PTPRM: variants seen among roughly 807,000 people sequenced by gnomAD.
PTPRM encodes receptor-type tyrosine-protein phosphatase mu.
In PTPRM, 47 loss-of-function variants were observed where a neutral mutation model predicts 186.7. The observed-to-expected ratio is 0.25, with a 90% confidence interval of 0.20 to 0.32. The LOEUF is 0.32. PTPRM is among the 10% of genes least tolerant of loss of function. The probability of loss-of-function intolerance (pLI) is 1.00; values close to 1 mark genes in which losing one functional copy is unlikely to be tolerated. For missense variants in PTPRM, 1,494 were observed against 1,865.0 expected, an observed-to-expected ratio of 0.80 and a Z score of 3.66; for synonymous variants, 668 against 674.9, an observed-to-expected ratio of 0.99 and a Z score of 0.16.
intron 4 of PTPRM, among the ~76,000 whole-genome samples, chr18:7,908,193 A>G (rs2050090969): frequency 6.6e-6 from 1 of 152,162 alleles, no homozygotes; most frequent in Non-Finnish European, 1.5e-5. Context: ...TCCCACCAGC[A>G]GTGCATGGTA....
At chr18:7,792,967 T>C (rs2043419149) in intron 2 of PTPRM, among the ~76,000 whole-genome samples, 1 of 152,210 alleles carries the variant, frequency 6.6e-6, no homozygotes, top group Non-Finnish European at 1.5e-5. Flanking sequence ...AATAATTTTT[T>C]TAAATTTTAT....
chr18:8,307,379 C>T (rs1320943971), intron 20 of PTPRM, among the ~76,000 whole-genome samples: 1 of 152,200 alleles, frequency 6.6e-6, no homozygotes, highest in African/African-American at 2.4e-5. Flanking sequence ...TTGAGACTTA[C>T]CCCACGCTCA....
At chr18:8,178,278 C>G (rs187818332) in intron 14 of PTPRM, among the ~76,000 whole-genome samples, 1 of 152,266 alleles carries the variant, frequency 6.6e-6, no homozygotes, top group Non-Finnish European at 1.5e-5. Context: ...GACAAAAACT[C>G]AAAAAGAACT....
chr18:7,760,779 A>G lies in PTPRM; in HGVS notation c.74-13370A>G, dbSNP rs552020694. ...AACATTCTAGAAGGTAGATGGTTTT[A>G]TAGATGAATAGATGAGGAAAGCTTG... On this transcript the variant is annotated intron_variant, in intron 1 of 32. Transcript: ENST00000580170. Among the ~76,000 whole-genome samples, 3 of 152,336 alleles carry G rather than the reference A, an allele frequency of 2.0e-5. No homozygotes were observed. The East Asian group carries it at 5.8e-4, about 29-fold the overall frequency.
At chr18:8,360,380 C>G (rs1598431839) in intron 23 of PTPRM, among the ~76,000 whole-genome samples, 1 of 143,404 alleles carries the variant, frequency 7.0e-6, no homozygotes, top group East Asian at 2.0e-4. Flanking sequence ...GGACACACCT[C>G]TGCCGTGAAA....
At chr18:8,165,167 CAAAAA>C (rs59978316) in intron 14 of PTPRM, among the ~76,000 whole-genome samples, 1 of 103,272 alleles carries the variant, frequency 9.7e-6, no homozygotes. Flanking sequence ...GACTCCATCT[CAAAAA>C]AAAAAAAAAA....
At chr18:7,811,140 G>C (rs1316294902) in intron 2 of PTPRM, among the ~76,000 whole-genome samples, 2 of 152,194 alleles carry the variant, frequency 1.3e-5, no homozygotes, top group African/African-American at 4.8e-5. Flanking sequence ...TCATGGAACA[G>C]TTTCTGCAAG....
Position 7,883,183 on chromosome 18 carries a change from T to C in PTPRM, c.197-4923T>C, listed in dbSNP as rs182688661. 1.6e-3 allele frequency among the ~76,000 whole-genome samples: 250 copies of C among 152,330 alleles called. 1 individual carries two copies. Among genetic ancestry groups the C allele is most frequent in the Non-Finnish European group, 2.5e-3 (167 of 68,020 alleles). Reference sequence around the variant, plus strand: ...CTGAACACAAACGGAATTTCTATGCTAATTTGAATTATGATTTTTTAAAAA... The same window carrying C: ...CTGAACACAAACGGAATTTCTATGCCAATTTGAATTATGATTTTTTAAAAA... On this transcript the variant is annotated intron_variant, in intron 2 of 32. Transcript: ENST00000580170.
intron 14 of PTPRM, among the ~76,000 whole-genome samples, chr18:8,194,992 C>T (rs1467374449): frequency 6.6e-6 from 1 of 152,044 alleles, no homozygotes; most frequent in Non-Finnish European, 1.5e-5. Context: ...GAGGGCCCCA[C>T]CATCCCAAGG....
chr18:7,952,766 G>A (rs1393307639), intron 6 of PTPRM, among the ~76,000 whole-genome samples: 2 of 152,150 alleles, frequency 1.3e-5, no homozygotes, highest in Non-Finnish European at 2.9e-5. Flanking sequence ...AGCACTTTGG[G>A]AGGCCGAGGC....
At chr18:7,742,582 T>C (rs2040905086) in intron 1 of PTPRM, among the ~76,000 whole-genome samples, 1 of 152,176 alleles carries the variant, frequency 6.6e-6, no homozygotes, top group South Asian at 2.1e-4. Flanking sequence ...TTCACTCTTG[T>C]AATCCCAGCG....
chr18:7,765,624 C>T (rs1208637218), intron 1 of PTPRM, among the ~76,000 whole-genome samples: 1 of 151,980 alleles, frequency 6.6e-6, no homozygotes, highest in Non-Finnish European at 1.5e-5. Flanking sequence ...AGTTTATAGC[C>T]ATTTATTCTA....
intron 2 of PTPRM, among the ~76,000 whole-genome samples, chr18:7,819,303 T>A (rs956380820): frequency 1.9e-5 from 1 of 52,356 alleles, no homozygotes; most frequent in Non-Finnish European, 5.3e-5. Context: ...ATAAAAACTA[T>A]GAGACCCTAG....
intron 3 of PTPRM, among the ~76,000 whole-genome samples, chr18:7,902,281 T>C (rs903698571): frequency 2.0e-5 from 3 of 152,224 alleles, no homozygotes; most frequent in Non-Finnish European, 2.9e-5. Flanking sequence ...GCAAATAAAA[T>C]TGCAGATAGA....
intron 3 of PTPRM, among the ~76,000 whole-genome samples, chr18:7,900,667 T>G (rs1427160504): frequency 6.6e-6 from 1 of 152,236 alleles, no homozygotes; most frequent in Non-Finnish European, 1.5e-5. Flanking sequence ...GCAAAATAGA[T>G]CTAGGATTAG....
At chr18:8,305,439 T>C (rs909084528) in intron 20 of PTPRM, among the ~76,000 whole-genome samples, 2 of 152,232 alleles carry the variant, frequency 1.3e-5, no homozygotes, top group Non-Finnish European at 2.9e-5. Context: ...TGATTACTTA[T>C]ATTAATTCAC....
intron 7 of PTPRM, among the ~76,000 whole-genome samples, chr18:8,046,157 G>A (rs2087037577): frequency 6.6e-6 from 1 of 152,072 alleles, no homozygotes; most frequent in Non-Finnish European, 1.5e-5. Context: ...CTGTGAAGAG[G>A]TACCTTCTGC....
chr18:8,321,716 A>G (rs1185328168), intron 22 of PTPRM, among the ~76,000 whole-genome samples: 3 of 152,242 alleles, frequency 2.0e-5, no homozygotes, highest in Admixed American at 6.5e-5. Flanking sequence ...TCAAACTGGC[A>G]GTACTAACAT....
intron 2 of PTPRM, among the ~76,000 whole-genome samples, chr18:7,784,372 G>A (rs1362092414): frequency 6.6e-6 from 1 of 152,018 alleles, no homozygotes; most frequent in Non-Finnish European, 1.5e-5. Flanking sequence ...CAAGTATGTC[G>A]CTCTCTGCCA....
Sources: gnomAD v4.1 joint callset for allele counts (sites outside exome capture counted in the v4.1 genomes callset) on GRCh38, gnomAD v4.1.1 for gene constraint, MANE v1.5 for transcripts, NCBI Gene and HGNC (gene_info 2026-07-23, HGNC 2026-07-21) for gene names.